The following MAML3 variants were observed in gnomAD, a reference collection of about 807,000 sequenced individuals.
MAML3 encodes mastermind like transcriptional coactivator 3.
Under a neutral mutation model 101.9 loss-of-function variants are expected in MAML3, and 27 were observed. The observed-to-expected ratio is 0.27, with a 90% confidence interval of 0.20 to 0.37. The LOEUF (loss-of-function observed/expected upper bound fraction) is 0.37. Ranked by LOEUF, MAML3 falls within the 10% of genes least tolerant of loss-of-function variation. MAML3 has a pLI of 1.00. For synonymous variants in MAML3, 501 were observed against 555.9 expected (o/e 0.90, Z 1.39); for missense variants, 1,316 against 1,444.9 (o/e 0.91, Z 1.45).
At chr4:139,983,000 G>A (rs1280065876) in intron 1 of MAML3, among the ~76,000 whole-genome samples, 4 of 152,218 alleles carry the variant, frequency 2.6e-5, no homozygotes, top group African/African-American at 9.6e-5. Flanking sequence ...TACTTAGGTC[G>A]GCACCTTTAT....
At chr4:140,069,323 G>C (rs951906397) in intron 1 of MAML3, among the ~76,000 whole-genome samples, 1 of 119,900 alleles carries the variant, frequency 8.3e-6, no homozygotes, top group East Asian at 2.6e-4. Context: ...CTCTGTCCAA[G>C]AAGAAGGAGA....
intron 3 of MAML3, among the ~76,000 whole-genome samples, chr4:139,727,794 C>T (rs1728537184): frequency 6.6e-6 from 1 of 152,214 alleles, no homozygotes; most frequent in South Asian, 2.1e-4. Flanking sequence ...CCAAATCCTT[C>T]TGTTTTCCCT....
intron 2 of MAML3, among the ~76,000 whole-genome samples, chr4:139,776,375 T>C (rs1412492897): frequency 6.6e-6 from 1 of 152,162 alleles, no homozygotes; most frequent in Admixed American, 6.5e-5. Flanking sequence ...ACCTCCTACA[T>C]TCCCTTTCTG....
rs28582417 is a variant in MAML3, at chr4:139,863,922, A to G, written c.2079+25435T>C. Reference sequence around the variant, plus strand: ...AACATTCTTGATGCCAAATTTGAACAAACTGCAAGAGCAGACAAGTTTCCC... The same window carrying G: ...AACATTCTTGATGCCAAATTTGAACGAACTGCAAGAGCAGACAAGTTTCCC... On this transcript the variant is annotated intron_variant, in intron 2 of 4. Transcript: ENST00000509479. Among the ~76,000 whole-genome samples the G allele has an allele frequency of 2.9e-3, 440 of 149,898 alleles. 4 individuals carry two copies. Among genetic ancestry groups the G allele is most frequent in the Middle Eastern group, 0.018 (5 of 284 alleles).
At chr4:140,025,471 A>C (rs1726807033) in intron 1 of MAML3, among the ~76,000 whole-genome samples, 1 of 152,236 alleles carries the variant, frequency 6.6e-6, no homozygotes, top group Non-Finnish European at 1.5e-5. Flanking sequence ...TTGATAAAGA[A>C]TATGGAAAGA....
At chr4:139,863,343 CTTTTTTT>C (rs11439880) in intron 2 of MAML3, among the ~76,000 whole-genome samples, 1 of 120,552 alleles carries the variant, frequency 8.3e-6, no homozygotes, top group Admixed American at 9.7e-5. Flanking sequence ...TTCCTGTGCC[CTTTTTTT>C]TTTTTTTTTT....
intron 1 of MAML3, among the ~76,000 whole-genome samples, chr4:139,931,371 C>G (rs968161379): frequency 1.2e-4 from 18 of 152,154 alleles, no homozygotes; most frequent in African/African-American, 4.3e-4. Flanking sequence ...AATGAACCAG[C>G]ACACTTAGGA....
chr4:140,116,135 G>A (rs1212606016), intron 1 of MAML3, among the ~76,000 whole-genome samples: 1 of 152,080 alleles, frequency 6.6e-6, no homozygotes, highest in Non-Finnish European at 1.5e-5. Context: ...TAGGTTAAAT[G>A]TCCTTCCCAT....
intron 4 of MAML3, among the ~76,000 whole-genome samples, chr4:139,721,426 A>C (rs1728229522): frequency 6.6e-6 from 1 of 152,212 alleles, no homozygotes; most frequent in Non-Finnish European, 1.5e-5. Context: ...CTGGACATTT[A>C]AAGAAGGTGC....
chr4:139,801,643 G>GGGGTGTGTGT (rs1220885408), intron 2 of MAML3, among the ~76,000 whole-genome samples: 3 of 30,744 alleles, frequency 9.8e-5, no homozygotes, highest in African/African-American at 2.6e-4. Context: ...GGTGTGTGTG[G>GGGGTGTGTGT]GTGTGTGTGT....
intron 1 of MAML3, among the ~76,000 whole-genome samples, chr4:140,001,335 C>T (rs1734919896): frequency 6.6e-6 from 1 of 152,260 alleles, no homozygotes; most frequent in East Asian, 1.9e-4. Context: ...TCCCATATAT[C>T]CTGATAACTG....
At chr4:140,048,299 C>T (rs1014488398) in intron 1 of MAML3, among the ~76,000 whole-genome samples, 1 of 152,196 alleles carries the variant, frequency 6.6e-6, no homozygotes, top group Admixed American at 6.5e-5. Flanking sequence ...TTACAGGAAA[C>T]CTCAATACCC....
chr4:139,947,577 A>AC (rs1305635750), intron 1 of MAML3, among the ~76,000 whole-genome samples: 1 of 152,182 alleles, frequency 6.6e-6, no homozygotes. Flanking sequence ...CTTGCAAAGC[A>AC]CCCACATGTC....
chr4:139,901,793 TC>T (rs1229207339), intron 1 of MAML3, among the ~76,000 whole-genome samples: 5 of 152,238 alleles, frequency 3.3e-5, no homozygotes, highest in Non-Finnish European at 7.4e-5. Context: ...GAGCAATATT[TC>T]AGGGAGGCTG....
chr4:140,003,128 T>C (rs2110847302), intron 1 of MAML3, among the ~76,000 whole-genome samples: 1 of 152,350 alleles, frequency 6.6e-6, no homozygotes, highest in South Asian at 2.1e-4. Flanking sequence ...GTTCTAGAGC[T>C]GGAAGGAACT....
intron 2 of MAML3, among the ~76,000 whole-genome samples, chr4:139,790,980 C>A (rs1303377556): frequency 6.6e-6 from 1 of 152,124 alleles, no homozygotes; most frequent in Non-Finnish European, 1.5e-5. Flanking sequence ...GAGATGATAT[C>A]ATTTAAAGAG....
At chr4:139,977,646 T>G (rs2102525) in intron 1 of MAML3, among the ~76,000 whole-genome samples, 86,791 of 151,880 alleles carry the variant, frequency 0.57, 25,830 homozygotes, top group East Asian at 0.91. Flanking sequence ...GCCGAGGCGG[T>G]TGGATCACCT....
chr4:140,020,458 T>C (rs1726714661), intron 1 of MAML3, among the ~76,000 whole-genome samples: 1 of 152,128 alleles, frequency 6.6e-6, no homozygotes. Context: ...TGGTATTTGC[T>C]CATATTGAGG....
intron 2 of MAML3, among the ~76,000 whole-genome samples, chr4:139,790,244 A>ATATAT (rs1560795077): frequency 1.3e-4 from 12 of 95,438 alleles, no homozygotes; most frequent in African/African-American, 2.3e-4. Flanking sequence ...TATATATATA[A>ATATAT]ATAAATATAT....
Sources: allele counts gnomAD v4.1 joint callset (sites outside exome capture counted in the v4.1 genomes callset), GRCh38; gene constraint gnomAD v4.1.1; transcripts MANE v1.5; gene names NCBI Gene and HGNC (gene_info 2026-07-23, HGNC 2026-07-21).